Variants in KRT14 observed in about 807,000 individuals in gnomAD.
KRT14 encodes the protein keratin 14.
KRT14 carries 30 observed loss-of-function variants against 44.5 expected under a neutral mutation model. The observed-to-expected ratio is 0.67, with a 90% CI of 0.50 to 0.92. The LOEUF (loss-of-function observed/expected upper bound fraction) is 0.92. KRT14 is among the 40% of genes least tolerant of loss of function. KRT14 has a pLI of 0.00. For synonymous variants in KRT14, 241 were observed against 257.6 expected (o/e 0.94, Z 0.62); for missense variants, 535 against 640.6 (o/e 0.84, Z 1.78).
Position 41,586,582 on chromosome 17 carries a change from C to A in KRT14, c.253G>T (p.Gly85Trp), listed in dbSNP as rs1280526971. The A allele has an allele frequency of 6.2e-7, 1 of 1,614,066 alleles. No homozygotes were observed. Among genetic ancestry groups the A allele is most frequent in the Non-Finnish European group, 8.5e-7 (1 of 1,179,928 alleles). The change falls in exon 1 of 8, where the codon GGG (glycine) becomes TGG (tryptophan). Residue 85 changes from glycine to tryptophan, a missense_variant. Gly to Trp is a radical substitution (Grantham distance 184). Transcript: ENST00000167586. Reference protein sequence around the residue: ...SSSSSFGSGFGGGYGGGLGAG... With the variant: ...SSSSSFGSGFWGGYGGGLGAG... The stretch of plus-strand genomic sequence containing the variant: ...CCAAGGCCACCACCATATCCTCCCC[C>A]AAAGCCACTACCAAAGCTGCTGCTG...
rs753894526 is a variant in KRT14 at position 41,584,280 on chromosome 17, A to G, written c.742T>C (p.Tyr248His). The change falls in exon 3 of 8, where the codon TAC becomes CAC. Residue 248 changes from tyrosine to histidine, a missense_variant. Coordinates refer to ENST00000167586, the MANE Select transcript of KRT14 (RefSeq NM_000526.5). Reference protein sequence around the residue: ...QIESLKEELAYLKKNHEEEMN... With the variant: ...QIESLKEELAHLKKNHEEEMN... ...ACCTCCTCGTGGTTCTTCTTCAGGT[A>G]GGCCAGCTCCTCCTTCAGGCTCTCA... is the stretch of plus-strand genomic sequence containing the variant. 1.4e-5 allele frequency: 23 copies of G among 1,613,724 alleles called. No homozygotes were observed. The highest frequency in any genetic ancestry group is 1.9e-5 in the Non-Finnish European group (23 of 1,179,934).
rs139804375 is a variant in KRT14, at chr17:41,583,306, C to T, written c.1203G>A (p.Leu401=). The T allele has an allele frequency of 5.7e-4, 913 of 1,613,706 alleles. 3 individuals are homozygous for T. Among genetic ancestry groups the T allele is most frequent in the Middle Eastern group, 2.8e-3 (16 of 5,732 alleles). The change falls in exon 6 of 8, where the codon CTG becomes CTA. Residue 401 remains leucine, a synonymous_variant. Transcript: ENST00000167586. ...MEQQNQEYKI[L]LDVKTRLEQE... ...GCTCCAGCCGCGTCTTCACGTCCAG[C>T]AGGATCTTGTACTCCTGGTTCTGCT... is the stretch of plus-strand genomic sequence containing the variant.
In KRT14 at chr17:41,583,626, G is replaced by T; in HGVS notation, c.978C>A (p.Ser326Arg). Residue 326 changes from serine to arginine, a missense_variant, in exon 5 of 8, where the codon AGC (serine) becomes AGA (arginine). Transcript: ENST00000167586. ...GGAGCTCCGAGATCTCGCTCTTGCC[G>T]CTCTGCACCAGCTCGCTGTTGGTGG... Reference protein sequence around the residue: ...EVATNSELVQSGKSEISELRR... With the variant: ...EVATNSELVQRGKSEISELRR... 1 of 1,614,144 alleles carries T rather than the reference G, an allele frequency of 6.2e-7. No individual in the cohort carries two copies. The highest frequency in any genetic ancestry group is 1.1e-5 in the South Asian group (1 of 91,084).
Position 41,583,542 on chromosome 17 carries a change from T to C in KRT14, c.1053+9A>G. 5 of 1,614,228 alleles carry C rather than the reference T, an allele frequency of 3.1e-6. No individual in the cohort carries two copies. The highest frequency in any genetic ancestry group is 1.6e-4 in the Middle Eastern group (1 of 6,062). On this transcript the variant is annotated intron_variant, in intron 5 of 7. Transcript: ENST00000167586. ...CTGGGTGCACCACCCTTCCTGGCAC[T>C]ATTCCTACCATGCTGAGCTGGGACT...
At chr17:41,584,457 C>A in intron 2 of KRT14, 44 bp from the exon 3 acceptor site, 1 of 1,609,324 alleles carries the variant, frequency 6.2e-7, no homozygotes, top group Non-Finnish European at 8.5e-7. Context: ...CCATCCTGAT[C>A]ACAGCGAGGG....
rs758258320 is a variant in KRT14, at chr17:41,583,917, A to C, written c.770T>G (p.Met257Arg). ...ACCCACCTGGCCTCTCAGGGCATTC[A>C]TCTCCTGCACAGCCAGGGACAGTCC... ...AYLKKNHEEE[M>R]NALRGQVGGD... Residue 257 changes from methionine to arginine, a missense_variant, in exon 4 of 8, where the codon ATG becomes AGG. Coordinates refer to ENST00000167586, the MANE Select transcript of KRT14 (RefSeq NM_000526.5). 2.5e-6 allele frequency: 4 copies of C among 1,613,708 alleles called. No homozygotes were observed. The highest frequency in any genetic ancestry group is 3.4e-6 in the Non-Finnish European group (4 of 1,179,844).
At position 41,585,026 on chromosome 17, in the gene KRT14, A is replaced by T; in HGVS notation, c.557T>A (p.Val186Asp). 1 of 1,614,174 alleles carries T rather than the reference A, an allele frequency of 6.2e-7. No individual in the cohort carries two copies. Among genetic ancestry groups the T allele is most frequent in the East Asian group, 2.2e-5 (1 of 44,890 alleles). ...ACGGGCATTGTCAATCTGCAGAAGG[A>T]CATTGGCATTGTCCACTGTGGCTGT... ...ILTATVDNAN[V>D]LLQIDNARLA... Residue 186 changes from valine (V) to aspartate (D), a missense_variant, in exon 2 of 8, where the codon GTC becomes GAC. Coordinates refer to ENST00000167586, the MANE Select transcript of KRT14 (RefSeq NM_000526.5).
rs768175939 is a variant in KRT14, at chr17:41,583,474, G to GA, written c.1054-20dup. ...ATGCTTTCTGTGAGGGAGGGAAAGG[G>GA]AATCAACGATTAGTGAGTGTGGCCG... On this transcript the variant is annotated intron_variant, in intron 5 of 7. Transcript: ENST00000167586. The GA allele has an allele frequency of 9.9e-6, 16 of 1,614,042 alleles. No homozygotes were observed. In the African/African-American group the frequency reaches 2.1e-4, roughly 22 times the overall value.
chr17:41,583,273 G>A lies in KRT14; in HGVS notation c.1236C>T (p.Ile412=), dbSNP rs144503476. ...LDVKTRLEQE[I]ATYRRLLEGE... is the part of the protein sequence containing the mutation. ...CCTCCAGCAGGCGGCGGTAGGTGGC[G>A]ATCTCCTGCTCCAGCCGCGTCTTCA... is the stretch of plus-strand genomic sequence containing the variant. The change falls in exon 6 of 8, where the codon ATC becomes ATT. Residue 412 remains isoleucine, a synonymous_variant. Transcript: ENST00000167586. 29 of 1,613,416 alleles carry A rather than the reference G, an allele frequency of 1.8e-5. No individual in the cohort carries two copies. Among genetic ancestry groups the A allele is most frequent in the Non-Finnish European group, 2.4e-5 (28 of 1,179,998 alleles).
At chr17:41,583,197 C>CA (rs754076111) in intron 6 of KRT14, 38 bp downstream of exon 6, 19 of 1,610,602 alleles carry the variant, frequency 1.2e-5, no homozygotes, top group South Asian at 4.4e-5. Context: ...GTGAGAGTGC[C>CA]ATGGGGGGGG....
At position 41,583,934 on chromosome 17, in the gene KRT14, G is replaced by A; in HGVS notation, c.766-13C>T. The A allele has an allele frequency of 6.2e-7, 1 of 1,613,706 alleles. No individual in the cohort carries two copies. Among genetic ancestry groups the A allele is most frequent in the Non-Finnish European group, 8.5e-7 (1 of 1,179,780 alleles). On this transcript the variant is annotated splice_polypyrimidine_tract_variant and intron_variant, in intron 3 of 7. Coordinates refer to ENST00000167586, the MANE Select transcript of KRT14 (RefSeq NM_000526.5). Reference sequence around the variant, plus strand: ...GGGCATTCATCTCCTGCACAGCCAGGGACAGTCCACAGTCAGGAGTTCCAC... The same window carrying A: ...GGGCATTCATCTCCTGCACAGCCAGAGACAGTCCACAGTCAGGAGTTCCAC...
rs758942543 is a variant in KRT14 at position 41,583,338 on chromosome 17, T to C, written c.1171A>G (p.Met391Val). The C allele has an allele frequency of 6.2e-7, 1 of 1,613,738 alleles. No individual in the cohort carries two copies. Among genetic ancestry groups the C allele is most frequent in the South Asian group, 1.1e-5 (1 of 91,068 alleles). ...EEQLAQLRCE[M>V]EQQNQEYKIL... is the part of the protein sequence containing the mutation. The stretch of plus-strand genomic sequence containing the variant: ...TTGTACTCCTGGTTCTGCTGCTCCA[T>C]CTCGCAGCGGAGCTGGGCCAGCTGC... The change falls in exon 6 of 8, where the codon ATG (methionine) becomes GTG (valine). Residue 391 changes from methionine (M) to valine (V), a missense_variant. Physicochemically the swap from Met to Val is conservative, Grantham distance 21. Coordinates refer to ENST00000167586, the MANE Select transcript of KRT14 (RefSeq NM_000526.5).
At chr17:41,584,545 C>T (rs1340464136) in intron 2 of KRT14, 132 bp from the exon 3 acceptor site, 34 of 920,844 alleles carry the variant, frequency 3.7e-5, no homozygotes, top group South Asian at 9.8e-5. Flanking sequence ...TTGAAAATGG[C>T]GTGGTTGAAC....
Position 41,586,866 on chromosome 17 carries a change from G to A in KRT14, c.-32C>T. ...GAGGAGGGAGGTGAGCGAGCGAGCA[G>A]TTGGCTGAGTGAAGAGAAGGTGCTC... is the stretch of plus-strand genomic sequence containing the variant. On this transcript the variant is annotated 5_prime_UTR_variant, in exon 1 of 8. Coordinates refer to ENST00000167586, the MANE Select transcript of KRT14 (RefSeq NM_000526.5). 6.4e-7 allele frequency: 1 copy of A among 1,555,610 alleles called. No homozygotes were observed. The highest frequency in any genetic ancestry group is 8.7e-7 in the Non-Finnish European group (1 of 1,154,418).
At position 41,582,449 on chromosome 17, in the gene KRT14, G is replaced by A. The variant is rs138275786; in HGVS notation, c.1405C>T (p.Arg469Cys). ...GCTGGGCAGCCTCAGTTCTTGGTGC[G>A]AAGGACCTGCTCGTGGGTGGACACC... is the stretch of plus-strand genomic sequence containing the variant. Reference protein sequence around the residue: ...KVVSTHEQVLRTKN With the variant: ...KVVSTHEQVLCTKN The change falls in exon 8 of 8, where the codon CGC becomes TGC. Residue 469 changes from arginine (R) to cysteine (C), a missense_variant. Arg to Cys is a radical substitution (Grantham distance 180). Coordinates refer to ENST00000167586, the MANE Select transcript of KRT14 (RefSeq NM_000526.5). 100 of 1,566,706 alleles carry A rather than the reference G, an allele frequency of 6.4e-5. No homozygotes were observed. The African/African-American group carries it at 1.2e-3, about 18-fold the overall frequency.
chr17:41,585,857 A>G (rs1358537559), intron 1 of KRT14, among the ~76,000 whole-genome samples: 1 of 152,242 alleles, frequency 6.6e-6, no homozygotes, highest in Non-Finnish European at 1.5e-5. Flanking sequence ...CGGCAGCCAC[A>G]GCCCAGACTA....
At chr17:41,586,284 G>A in intron 1 of KRT14, 26 bp downstream of exon 1, 1 of 1,611,904 alleles carries the variant, frequency 6.2e-7, no homozygotes, top group Non-Finnish European at 8.5e-7. Context: ...AGCTGGAATG[G>A]TGCCTTCTGC....
intron 3 of KRT14, 148 bp from the exon 4 acceptor site, chr17:41,584,069 CTTTTTTTTTTTTTTTTTTTTTT>C (rs61300844): frequency 4.4e-6 from 1 of 228,644 alleles, no homozygotes; most frequent in Admixed American, 7.4e-5. Context: ...CTCTCTCTCT[CTTTTTTTTTTTTTTTTTTTTTT>C]TTTTTTTGGA....
rs59440884 is a variant in KRT14 at position 41,583,257 on chromosome 17, G to C, written c.1252C>G (p.Leu418Val). 1 of 1,613,560 alleles carries C rather than the reference G, an allele frequency of 6.2e-7. No homozygotes were observed. Among genetic ancestry groups the C allele is most frequent in the Non-Finnish European group, 8.5e-7 (1 of 1,180,000 alleles). The change falls in exon 6 of 8, where the codon CTG becomes GTG. Residue 418 changes from leucine (L) to valine (V), a missense_variant. Physicochemically the swap from Leu to Val is conservative, Grantham distance 32. Coordinates refer to ENST00000167586, the MANE Select transcript of KRT14 (RefSeq NM_000526.5). The stretch of plus-strand genomic sequence containing the variant: ...CACTGGGCGTCCTCGCCCTCCAGCA[G>C]GCGGCGGTAGGTGGCGATCTCCTGC... ...LEQEIATYRR[L>V]LEGEDAHLSS...
Sources: gnomAD v4.1 joint callset for allele counts (sites outside exome capture counted in the v4.1 genomes callset) on GRCh38, gnomAD v4.1.1 for gene constraint, MANE v1.5 for transcripts, NCBI Gene and HGNC (gene_info 2026-07-23, HGNC 2026-07-21) for gene names.